Variants in SLC35F3 observed in about 807,000 individuals in gnomAD.
SLC35F3 encodes solute carrier family 35 member F3.
SLC35F3 carries 25 observed loss-of-function variants against 49.9 expected under a neutral mutation model. That is an observed-to-expected ratio of 0.50 (90% confidence interval 0.37 to 0.70). SLC35F3 has a LOEUF of 0.70. SLC35F3 is among the 30% of genes least tolerant of loss of function. The pLI is 0.00. For missense variants in SLC35F3, 525 were observed against 639.8 expected (o/e 0.82, Z 1.94); for synonymous variants, 275 against 265.4 (o/e 1.04, Z -0.35).
chr1:234,155,198 AG>A (rs1424091183), intron 2 of SLC35F3, among the ~76,000 whole-genome samples: 1 of 152,128 alleles, frequency 6.6e-6, no homozygotes, highest in Non-Finnish European at 1.5e-5. Context: ...GTGGATACAG[AG>A]GGCTGATTAC....
intron 2 of SLC35F3, among the ~76,000 whole-genome samples, chr1:234,206,995 C>T (rs1666980645): frequency 6.6e-6 from 1 of 152,156 alleles, no homozygotes; most frequent in Non-Finnish European, 1.5e-5. Flanking sequence ...TGGAAACAGA[C>T]ACCAGCCAAG....
intron 2 of SLC35F3, among the ~76,000 whole-genome samples, chr1:234,136,053 T>A (rs1267898308): frequency 6.6e-6 from 1 of 152,210 alleles, no homozygotes; most frequent in Non-Finnish European, 1.5e-5. Flanking sequence ...ATATGAAAGG[T>A]GAAGAATATG....
At chr1:234,242,267 A>G (rs1395497020) in intron 3 of SLC35F3, among the ~76,000 whole-genome samples, 1 of 152,176 alleles carries the variant, frequency 6.6e-6, no homozygotes, top group African/African-American at 2.4e-5. Flanking sequence ...TGCCTACCCC[A>G]TCTTGGGCCA....
intron 2 of SLC35F3, among the ~76,000 whole-genome samples, chr1:234,019,770 C>G (rs1263518032): frequency 6.6e-6 from 1 of 152,198 alleles, no homozygotes; most frequent in African/African-American, 2.4e-5. Context: ...CCCTAGGTGT[C>G]TTCAGACTCA....
intron 2 of SLC35F3, among the ~76,000 whole-genome samples, chr1:234,101,057 A>C (rs1010585449): frequency 6.6e-6 from 1 of 151,812 alleles, no homozygotes; most frequent in Non-Finnish European, 1.5e-5. Flanking sequence ...GCCTCCTCCC[A>C]TACCTTTCCC....
intron 2 of SLC35F3, among the ~76,000 whole-genome samples, chr1:234,165,786 G>A: frequency 6.6e-6 from 1 of 152,166 alleles, no homozygotes; most frequent in East Asian, 1.9e-4. Flanking sequence ...GTGAAGTCTG[G>A]GATTTTAGTG....
intron 4 of SLC35F3, among the ~76,000 whole-genome samples, chr1:234,310,692 T>C (rs903233617): frequency 3.9e-5 from 6 of 152,246 alleles, no homozygotes; most frequent in African/African-American, 1.4e-4. Flanking sequence ...GGAGAATTTA[T>C]GGAAATTTTT....
rs542346482 is a variant in SLC35F3 at position 234,111,095 on chromosome 1, T to C, written c.284-120322T>C. On this transcript the variant is annotated intron_variant, in intron 2 of 7. Transcript: ENST00000366618. ...TTTAAGATGAGAAATAAGGTAAACA[T>C]TTGTTTTATAATCAGAGGAAAGAAA... 5.9e-5 allele frequency among the ~76,000 whole-genome samples: 9 copies of C among 152,246 alleles called. No homozygotes were observed. The South Asian group carries it at 1.9e-3, about 32-fold the overall frequency.
At chr1:234,062,683 C>T (rs1017971949) in intron 2 of SLC35F3, among the ~76,000 whole-genome samples, 1 of 141,974 alleles carries the variant, frequency 7.0e-6, no homozygotes. Context: ...TGAGCAAAAT[C>T]TTTTTTTTTT....
intron 2 of SLC35F3, among the ~76,000 whole-genome samples, chr1:234,131,861 T>G (rs1027824514): frequency 1.3e-5 from 2 of 152,164 alleles, no homozygotes; most frequent in South Asian, 4.1e-4. Flanking sequence ...ACTTACCACT[T>G]TTTTTAAAGA....
intron 2 of SLC35F3, among the ~76,000 whole-genome samples, chr1:234,018,716 A>G (rs1415448381): frequency 2.0e-5 from 3 of 152,226 alleles, no homozygotes; most frequent in Non-Finnish European, 2.9e-5. Context: ...CTTGATAAAC[A>G]TAACAAACAC....
chr1:233,908,886 T>G (rs1394220453), intron 2 of SLC35F3, among the ~76,000 whole-genome samples: 4 of 152,004 alleles, frequency 2.6e-5, no homozygotes, highest in African/African-American at 9.6e-5. Flanking sequence ...GAAGGAGTTT[T>G]GCTCTGTCGC....
At chr1:233,940,057 T>A (rs1662395982) in intron 2 of SLC35F3, among the ~76,000 whole-genome samples, 1 of 152,206 alleles carries the variant, frequency 6.6e-6, no homozygotes, top group South Asian at 2.1e-4. Context: ...GGGATGAGCC[T>A]AATTAATTTT....
At chr1:234,299,028 T>G (rs1668649818) in intron 3 of SLC35F3, among the ~76,000 whole-genome samples, 1 of 152,142 alleles carries the variant, frequency 6.6e-6, no homozygotes, top group African/African-American at 2.4e-5. Context: ...AGCATGGAAC[T>G]TACAGCATTC....
rs10547189 is a variant in SLC35F3 at position 234,226,551 on chromosome 1, T to TAA, written c.284-4850_284-4849dup. 3.9e-3 allele frequency among the ~76,000 whole-genome samples: 561 copies of TAA among 143,322 alleles called. 4 individuals carry two copies. Among genetic ancestry groups the TAA allele is most frequent in the African/African-American group, 0.013 (502 of 39,760 alleles). 94.0% of individuals were successfully genotyped at this position (143,322 alleles called of 152,430 possible). Reference sequence around the variant, plus strand: ...ATTGTAGAAGTGACTTACATTAAGTTAAAAAAAAAAAAAAAAAGCACCCAA... The same window carrying TAA: ...ATTGTAGAAGTGACTTACATTAAGTTAAAAAAAAAAAAAAAAAAAGCACCCAA... On this transcript the variant is annotated intron_variant, in intron 2 of 7. Transcript: ENST00000366618.
Position 234,320,213 on chromosome 1 carries a change from T to G in SLC35F3, c.1237+26T>G. 1 of 1,539,724 alleles carries G rather than the reference T, an allele frequency of 6.5e-7. No individual in the cohort carries two copies. ...GTAAACCTATGCGGCTTTCTATATC[T>G]GCACATAAGCACACACACTCAGTCA... is the stretch of plus-strand genomic sequence containing the variant. On this transcript the variant is annotated intron_variant, in intron 7 of 7. Coordinates refer to ENST00000366618, the MANE Select transcript of SLC35F3 (RefSeq NM_173508.4). The surrounding 1 kb of genome is among the most constrained non-coding windows in gnomAD (Gnocchi z 4.8).
At chr1:234,244,078 T>C (rs958005243) in intron 3 of SLC35F3, among the ~76,000 whole-genome samples, 1 of 152,144 alleles carries the variant, frequency 6.6e-6, no homozygotes, top group African/African-American at 2.4e-5. Context: ...ACAGAAGAGT[T>C]TGGCATAACA....
chr1:233,984,888 GT>G (rs1162669050), intron 2 of SLC35F3, among the ~76,000 whole-genome samples: 1 of 152,124 alleles, frequency 6.6e-6, no homozygotes, highest in Non-Finnish European at 1.5e-5. Context: ...AGCTTCCTTG[GT>G]TATTGTTTTA....
intron 2 of SLC35F3, among the ~76,000 whole-genome samples, chr1:234,225,184 C>T (rs970261693): frequency 3.3e-5 from 5 of 152,216 alleles, no homozygotes; most frequent in African/African-American, 9.7e-5. Context: ...AAGTCTCCCC[C>T]CCTTTCCTCT....
Sources: gnomAD v4.1 joint callset for allele counts (sites outside exome capture counted in the v4.1 genomes callset) on GRCh38, gnomAD v4.1.1 for gene constraint, Gnocchi (gnomAD v3.1) non-coding constraint, MANE v1.5 for transcripts, NCBI Gene and HGNC (gene_info 2026-07-23, HGNC 2026-07-21) for gene names.